Variants in PELP1 observed in about 807,000 individuals in gnomAD.
The protein encoded by PELP1 is proline, glutamate and leucine rich protein 1.
Under a neutral mutation model 95.5 loss-of-function variants are expected in PELP1, and 32 were observed. The observed-to-expected ratio is 0.34, with a 90% CI of 0.25 to 0.45. The LOEUF (loss-of-function observed/expected upper bound fraction) is 0.45. Ranked by LOEUF, PELP1 falls within the 20% of genes least tolerant of loss-of-function variation. The pLI is 1.00. For missense variants in PELP1, 1,358 were observed against 1,444.8 expected, an observed-to-expected ratio of 0.94 and a Z score of 0.97; for synonymous variants, 668 against 600.1, an observed-to-expected ratio of 1.11 and a Z score of -1.65.
At position 4,676,496 on chromosome 17, in the gene PELP1, C is replaced by T. The variant is rs1912484131; in HGVS notation, c.714G>A (p.Glu238=). The T allele has an allele frequency of 6.2e-7, 1 of 1,613,686 alleles. No individual in the cohort carries two copies. The stretch of plus-strand genomic sequence containing the variant: ...CTAAAGAGGGCAGCCGGGAATAACA[C>T]TCACAGGCCAACTGCGGGAGAAAGG... ...LSPQLQQLAC[E]CYSRLPSLGA... Residue 238 remains glutamate (E), a synonymous_variant, in exon 7 of 17, where the codon GAG becomes GAA. Transcript: ENST00000572293.
intron 1 of PELP1, among the ~76,000 whole-genome samples, chr17:4,693,240 C>T (rs1271401201): frequency 6.6e-6 from 1 of 152,178 alleles, no homozygotes; most frequent in Non-Finnish European, 1.5e-5. Context: ...TGTACATGGA[C>T]GTTCACAGCA....
In PELP1 at chr17:4,676,518, A is replaced by C. The variant is rs192331072; in HGVS notation, c.703-11T>G. On this transcript the variant is annotated splice_polypyrimidine_tract_variant and intron_variant, in intron 6 of 16. Coordinates refer to ENST00000572293, the MANE Select transcript of PELP1 (RefSeq NM_014389.3). ...ACACTCACAGGCCAACTGCGGGAGA[A>C]AGGACAGAAACCTGGTCAGATGGGA... 1.6e-4 allele frequency: 264 copies of C among 1,613,322 alleles called. 2 individuals are homozygous for C. Among genetic ancestry groups the C allele is most frequent in the Middle Eastern group, 1.3e-3 (8 of 6,058 alleles).
At chr17:4,685,696 T>TG (rs1912883616) in intron 3 of PELP1, among the ~76,000 whole-genome samples, 1 of 146,266 alleles carries the variant, frequency 6.8e-6, no homozygotes, top group Non-Finnish European at 1.5e-5. Context: ...GTGGGTGCGG[T>TG]GGGGGGTACT....
rs1912443754 is a variant in PELP1 at position 4,675,852 on chromosome 17, A to C, written c.1013T>G (p.Val338Gly). The C allele has an allele frequency of 6.9e-6, 11 of 1,591,746 alleles. No individual in the cohort carries two copies. The highest frequency in any genetic ancestry group is 8.6e-6 in the Non-Finnish European group (10 of 1,169,144). Reference protein sequence around the residue: ...SEFGAPVSVPVQEILDFICRT... With the variant: ...SEFGAPVSVPGQEILDFICRT... ...GCAGATGAAATCCAGGATTTCCTGC[A>C]CAGGGACGGACACGGGAGCTCCAAA... is the stretch of plus-strand genomic sequence containing the variant. The change falls in exon 9 of 17, where the codon GTG becomes GGG. Residue 338 changes from valine to glycine, a missense_variant. Coordinates refer to ENST00000572293, the MANE Select transcript of PELP1 (RefSeq NM_014389.3). This position sits in a 1 kb window ranked among gnomAD's most constrained non-coding sequence, Gnocchi z 4.3.
Position 4,672,279 on chromosome 17 carries a change from CTCTTCTTCCTCTTCT to C in PELP1, c.2697_2711del (p.Glu904_Glu908del), listed in dbSNP as rs777193038. 9.6e-5 allele frequency: 149 copies of C among 1,549,400 alleles called. No individual in the cohort carries two copies. Among genetic ancestry groups the C allele is most frequent in the African/African-American group, 1.4e-4 (10 of 72,846 alleles). On this transcript the variant is annotated inframe_deletion, in exon 16 of 17. Transcript: ENST00000572293. ...CTTCCTCAAAGTCTTCCTCCTCTTC[CTCTTCTTCCTCTTCT>C]TCTTCTTCCTCTTCTTCCTCTTCCT...
intron 5 of PELP1, among the ~76,000 whole-genome samples, chr17:4,681,445 A>G (rs1315926593): frequency 2.0e-5 from 3 of 152,010 alleles, no homozygotes; most frequent in African/African-American, 4.8e-5. Context: ...TGGGAGGTGG[A>G]GCTTGCAGTG....
intron 5 of PELP1, among the ~76,000 whole-genome samples, chr17:4,682,021 C>T (rs1057072091): frequency 6.6e-6 from 1 of 151,624 alleles, no homozygotes; most frequent in African/African-American, 2.4e-5. Flanking sequence ...ATTAGCTGGG[C>T]GTGGTGGCAC....
chr17:4,698,117 A>G (rs1446469703), intron 1 of PELP1, among the ~76,000 whole-genome samples: 2 of 150,736 alleles, frequency 1.3e-5, no homozygotes, highest in South Asian at 2.1e-4. Context: ...TAAGCCTCTG[A>G]ATCTCATGCT....
At position 4,676,775 on chromosome 17, in the gene PELP1, G is replaced by T; in HGVS notation, c.680C>A (p.Ala227Asp). ...TACCTGTTGGAGCTGAGGGCTCAAGGCATCCACCCTAGACAGAAAAAATGA... is the reference window on the plus strand; with the variant it reads ...TACCTGTTGGAGCTGAGGGCTCAAGTCATCCACCCTAGACAGAAAAAATGA... ...LASFFLSRVD[A>D]LSPQLQQLAC... is the part of the protein sequence containing the mutation. The change falls in exon 6 of 17, where the codon GCC becomes GAC. Residue 227 changes from alanine (A) to aspartate (D), a missense_variant. Ala to Asp is a moderately radical substitution (Grantham distance 126). This residue lies in a region of PELP1 where 538 missense variants were observed against 628.1 expected (regional missense o/e 0.86). Coordinates refer to ENST00000572293, the MANE Select transcript of PELP1 (RefSeq NM_014389.3). 1 of 1,571,514 alleles carries T rather than the reference G, an allele frequency of 6.4e-7. No homozygotes were observed.
chr17:4,672,129 TTCCTCCTCCTCA>T lies in PELP1; in HGVS notation c.2850_2861del (p.Asp950_Glu953del). Reference sequence around the variant, plus strand: ...GGTCTTCCACCTCTTCCAGTTCTTCTTCCTCCTCCTCATCCTCCTCTTCTTCTTCTTCCTCTA... The same window carrying T: ...GGTCTTCCACCTCTTCCAGTTCTTCTTCCTCCTCTTCTTCTTCTTCCTCTA... On this transcript the variant is annotated inframe_deletion, in exon 16 of 17. Transcript: ENST00000572293. 1 of 1,552,682 alleles carries T rather than the reference TTCCTCCTCCTCA, an allele frequency of 6.4e-7. No homozygotes were observed. The highest frequency in any genetic ancestry group is 1.2e-5 in the South Asian group (1 of 84,112).
At chr17:4,696,294 C>T (rs1188559163) in intron 1 of PELP1, among the ~76,000 whole-genome samples, 5 of 152,188 alleles carry the variant, frequency 3.3e-5, no homozygotes, top group Admixed American at 6.5e-5. Context: ...ATCGCCACCA[C>T]TACACTCCAG....
At chr17:4,680,073 C>T (rs1459043559) in intron 5 of PELP1, among the ~76,000 whole-genome samples, 1 of 152,208 alleles carries the variant, frequency 6.6e-6, no homozygotes, top group Admixed American at 6.5e-5. Context: ...CCTTTGGTTA[C>T]GTCACTTAAG....
intron 3 of PELP1, among the ~76,000 whole-genome samples, chr17:4,684,819 G>T (rs1351830982): frequency 6.6e-6 from 1 of 152,142 alleles, no homozygotes; most frequent in Non-Finnish European, 1.5e-5. Flanking sequence ...TCCTGCCTCA[G>T]CCTCCCTCCT....
chr17:4,689,770 G>A (rs575402346), intron 3 of PELP1, among the ~76,000 whole-genome samples: 1 of 152,346 alleles, frequency 6.6e-6, no homozygotes, highest in African/African-American at 2.4e-5. Context: ...GCTCATGCCT[G>A]TAATCCCAGC....
chr17:4,698,211 C>T (rs1913369603), intron 1 of PELP1, among the ~76,000 whole-genome samples: 1 of 152,026 alleles, frequency 6.6e-6, no homozygotes. Flanking sequence ...TTTAATTTGT[C>T]TGCTGTTTCC....
intron 3 of PELP1, among the ~76,000 whole-genome samples, chr17:4,688,979 G>A (rs572872528): frequency 3.8e-4 from 58 of 152,274 alleles, no homozygotes; most frequent in African/African-American, 1.3e-3. Context: ...AAAACAGCAT[G>A]ATACTGATAT....
rs1467382916 is a variant in PELP1, at chr17:4,672,962, T to G, written c.2029A>C (p.Met677Leu). Residue 677 changes from methionine to leucine, a missense_variant, in exon 16 of 17, where the codon ATG becomes CTG. Met to Leu is a conservative substitution (Grantham distance 15). This residue lies in a region of PELP1 where 340 missense variants were observed against 322.9 expected (regional missense o/e 1.05). Coordinates refer to ENST00000572293, the MANE Select transcript of PELP1 (RefSeq NM_014389.3). ...GAAGGCATGGGGCCTGCTGAGGGCATGGAGCCCACTGAGGGCATGGGGCCC... is the reference window on the plus strand; with the variant it reads ...GAAGGCATGGGGCCTGCTGAGGGCAGGGAGCCCACTGAGGGCATGGGGCCC... ...PPGPMPSVGS[M>L]PSAGPMPSAG... is the part of the protein sequence containing the mutation. The G allele has an allele frequency of 3.8e-6, 6 of 1,595,208 alleles. No homozygotes were observed. Among genetic ancestry groups the G allele is most frequent in the Non-Finnish European group, 4.3e-6 (5 of 1,170,250 alleles).
chr17:4,690,865 T>C (rs555604272), intron 3 of PELP1, 23 bp downstream of exon 3: 12 of 1,466,568 alleles, frequency 8.2e-6, no homozygotes, highest in Admixed American at 3.4e-5. Context: ...GAGGAGGAAG[T>C]AGGGCAGCAG....
At chr17:4,694,778 C>T (rs952981720) in intron 1 of PELP1, among the ~76,000 whole-genome samples, 8 of 151,296 alleles carry the variant, frequency 5.3e-5, no homozygotes, top group Admixed American at 2.0e-4. Flanking sequence ...CAAGACCAGC[C>T]TGGCCAACAT....
Sources: allele counts gnomAD v4.1 joint callset (sites outside exome capture counted in the v4.1 genomes callset), GRCh38; gene constraint gnomAD v4.1.1; regional missense constraint gnomAD v4.1.1; non-coding constraint Gnocchi (gnomAD v3.1); transcripts MANE v1.5; gene names NCBI Gene and HGNC (gene_info 2026-07-23, HGNC 2026-07-21).